GHR: variants seen among roughly 807,000 people sequenced by gnomAD.
GHR encodes GH receptor.
GHR carries 35 observed loss-of-function variants against 67.1 expected under a neutral mutation model. The observed-to-expected ratio is 0.52, with a 90% CI of 0.40 to 0.69. The LOEUF is 0.69. GHR is among the 30% of genes least tolerant of loss of function. The pLI is 0.00. For missense variants in GHR, 792 were observed against 764.6 expected (o/e 1.04, Z -0.42); for synonymous variants, 272 against 269.1 (o/e 1.01, Z -0.10).
intron 1 of GHR, among the ~76,000 whole-genome samples, chr5:42,511,706 G>GT: frequency 6.6e-6 from 1 of 152,246 alleles, no homozygotes; most frequent in South Asian, 2.1e-4. Context: ...GTGTGTGTGT[G>GT]TTTGTGTGAA....
intron 1 of GHR, among the ~76,000 whole-genome samples, chr5:42,456,197 G>A: frequency 6.6e-6 from 1 of 152,226 alleles, no homozygotes; most frequent in Non-Finnish European, 1.5e-5. Flanking sequence ...TGTAGTCCCA[G>A]CTACTCAGGA....
chr5:42,653,096 G>T (rs1328817146), intron 3 of GHR, among the ~76,000 whole-genome samples: 1 of 152,112 alleles, frequency 6.6e-6, no homozygotes, highest in Non-Finnish European at 1.5e-5. Context: ...TGTCAGAACA[G>T]GGCCTGACAG....
intron 2 of GHR, among the ~76,000 whole-genome samples, chr5:42,592,640 C>T (rs1471672012): frequency 3.3e-5 from 5 of 152,192 alleles, no homozygotes; most frequent in Admixed American, 6.5e-5. Context: ...ATATGTATCA[C>T]ATTTTCTTTA....
At chr5:42,570,322 C>T (rs72554685) in intron 2 of GHR, among the ~76,000 whole-genome samples, 65 of 152,316 alleles carry the variant, frequency 4.3e-4, no homozygotes, top group African/African-American at 1.5e-3. Context: ...CAATGGCCTG[C>T]GTCCATGTAC....
chr5:42,457,113 T>C (rs1446564936), intron 1 of GHR, among the ~76,000 whole-genome samples: 2 of 152,218 alleles, frequency 1.3e-5, no homozygotes, highest in African/African-American at 4.8e-5. Flanking sequence ...TCCCAGGTTC[T>C]TCCCTTCGCT....
intron 2 of GHR, among the ~76,000 whole-genome samples, chr5:42,600,887 T>C (rs565450392): frequency 4.3e-4 from 65 of 151,762 alleles, no homozygotes; most frequent in Non-Finnish European, 7.7e-4. Context: ...TACCGTTCTG[T>C]GTCCAGAAAT....
At chr5:42,621,136 A>C (rs993408669) in intron 2 of GHR, among the ~76,000 whole-genome samples, 1 of 152,112 alleles carries the variant, frequency 6.6e-6, no homozygotes, top group African/African-American at 2.4e-5. Flanking sequence ...CATAACGAAA[A>C]GCAGCTTTTG....
chr5:42,632,251 C>A (rs572194886), intron 3 of GHR, among the ~76,000 whole-genome samples: 1 of 152,244 alleles, frequency 6.6e-6, no homozygotes, highest in East Asian at 1.9e-4. Flanking sequence ...TCGAATCTAT[C>A]TTCCTCCCAC....
Position 42,425,038 on chromosome 5 carries a change from G to A in GHR, c.-12+1083G>A, listed in dbSNP as rs1742791158. 3 of 984,102 alleles carry A rather than the reference G, an allele frequency of 3.0e-6. No individual in the cohort carries two copies. The African/African-American group carries it at 5.2e-5, about 17-fold the overall frequency. 61.0% of individuals were successfully genotyped at this position (984,102 alleles called of 1,614,324 possible). ...GGAGACCTTGGAAGGGACAGAGAAA[G>A]GTAACGGAAGGCCAAAGTGTTGGGA... On this transcript the variant is annotated intron_variant, in intron 1 of 9. Transcript: ENST00000230882.
intron 1 of GHR, among the ~76,000 whole-genome samples, chr5:42,543,450 A>C (rs553964797): frequency 4.3e-4 from 66 of 152,266 alleles, no homozygotes; most frequent in Non-Finnish European, 4.3e-4. Flanking sequence ...CTTAGTTTTC[A>C]TGTGTGCTCA....
At chr5:42,432,814 A>G (rs888457989) in intron 1 of GHR, among the ~76,000 whole-genome samples, 16 of 152,236 alleles carry the variant, frequency 1.1e-4, no homozygotes, top group African/African-American at 3.9e-4. Context: ...CATTCTTTCA[A>G]TGTAGCACCT....
intron 1 of GHR, chr5:42,548,182 C>A: frequency 1.0e-6 from 1 of 982,768 alleles, no homozygotes; most frequent in Non-Finnish European, 1.2e-6. Context: ...AGACAATGGT[C>A]TGATGTGATT....
intron 2 of GHR, among the ~76,000 whole-genome samples, chr5:42,588,018 G>A (rs985207301): frequency 6.6e-6 from 1 of 152,184 alleles, no homozygotes; most frequent in African/African-American, 2.4e-5. Context: ...GCCAGAGAGG[G>A]CTGAGTCAGG....
chr5:42,660,281 G>C (rs983502612), intron 3 of GHR, among the ~76,000 whole-genome samples: 8 of 152,204 alleles, frequency 5.3e-5, no homozygotes, highest in African/African-American at 1.7e-4. Flanking sequence ...TGCAGCTGGA[G>C]ATCTGAGAAC....
At chr5:42,646,210 G>T in intron 3 of GHR, 1 of 287,592 alleles carries the variant, frequency 3.5e-6, no homozygotes, top group Non-Finnish European at 7.1e-6. Context: ...TGAAAATGAA[G>T]TGTCTGTCTC....
intron 1 of GHR, among the ~76,000 whole-genome samples, chr5:42,510,987 G>A (rs1746991481): frequency 6.6e-6 from 1 of 152,124 alleles, no homozygotes; most frequent in African/African-American, 2.4e-5. Flanking sequence ...TACTCCTCTT[G>A]CCTAAGAAAA....
At chr5:42,690,993 A>G (rs71627550) in intron 4 of GHR, among the ~76,000 whole-genome samples, 5,543 of 152,308 alleles carry the variant, frequency 0.036, 161 homozygotes, top group South Asian at 0.071. Flanking sequence ...ATATTTACCA[A>G]ATTTGATGAG....
chr5:42,564,645 A>G (rs1749822821), intron 1 of GHR, among the ~76,000 whole-genome samples: 2 of 152,230 alleles, frequency 1.3e-5, no homozygotes, highest in Non-Finnish European at 2.9e-5. Context: ...AAGTACGTCA[A>G]GAATTTTATC....
chr5:42,567,564 A>T (rs916889236), intron 2 of GHR, among the ~76,000 whole-genome samples: 39 of 152,300 alleles, frequency 2.6e-4, no homozygotes, highest in African/African-American at 9.4e-4. Context: ...GTACTTACGC[A>T]TAAGAAGTAA....
Sources: allele counts gnomAD v4.1 joint callset (sites outside exome capture counted in the v4.1 genomes callset), GRCh38; gene constraint gnomAD v4.1.1; transcripts MANE v1.5; gene names NCBI Gene and HGNC (gene_info 2026-07-23, HGNC 2026-07-21).